The following CDC42BPB variants were observed in gnomAD, a reference collection of about 807,000 sequenced individuals.
CDC42BPB encodes the protein CDC42 binding protein kinase beta.
A neutral mutation model predicts 214.9 loss-of-function variants in CDC42BPB; 37 were observed. The ratio of observed to expected loss-of-function variants is 0.17; its 90% CI spans 0.13 to 0.23. The LOEUF is 0.23. CDC42BPB is among the 10% of genes least tolerant of loss of function. CDC42BPB has a pLI of 1.00. For missense variants in CDC42BPB, 1,694 were observed against 2,227.0 expected, an observed-to-expected ratio of 0.76 and a Z score of 4.82; for synonymous variants, 931 against 884.0, an observed-to-expected ratio of 1.05 and a Z score of -0.94.
intron 1 of CDC42BPB, among the ~76,000 whole-genome samples, chr14:103,029,081 AT>A (rs1449615661): frequency 6.6e-6 from 1 of 152,234 alleles, no homozygotes; most frequent in African/African-American, 2.4e-5. Flanking sequence ...GAAAAAAAGG[AT>A]AAAAGTAAAC....
Position 102,968,451 on chromosome 14 carries a change from G to A in CDC42BPB, c.2240+21C>T, listed in dbSNP as rs748168639. The A allele has an allele frequency of 6.2e-6, 10 of 1,613,706 alleles. 1 individual carries two copies. In the South Asian group the frequency reaches 1.1e-4, roughly 18 times the overall value. On this transcript the variant is annotated intron_variant, in intron 15 of 36. Coordinates refer to ENST00000361246, the MANE Select transcript of CDC42BPB (RefSeq NM_006035.4). ...GGTATCAGCTTGCATCTTCTGAACT[G>A]AGAAGCTCATGAAAACCTACCGTTC...
At chr14:102,986,304 C>T (rs1185049069) in intron 6 of CDC42BPB, 183 bp downstream of exon 6, 6 of 547,114 alleles carry the variant, frequency 1.1e-5, no homozygotes, top group Middle Eastern at 4.0e-4. Flanking sequence ...AAGATGCTTT[C>T]CAACTTAATT....
intron 1 of CDC42BPB, among the ~76,000 whole-genome samples, chr14:103,053,741 G>C (rs1043932987): frequency 1.3e-4 from 18 of 142,448 alleles, no homozygotes; most frequent in Admixed American, 2.1e-4. Context: ...CAGCCTGGGC[G>C]ACAGAGTGAG....
rs988289031 is a variant in CDC42BPB at position 102,943,322 on chromosome 14, T to C, written c.4408+569A>G. Among the ~76,000 whole-genome samples, 1 of 152,186 alleles carries C rather than the reference T, an allele frequency of 6.6e-6. No individual in the cohort carries two copies. The highest frequency in any genetic ancestry group is 2.4e-5 in the African/African-American group (1 of 41,438). ...CGGACAGCGGGCCAGTCGGGAAGTGTCCACTGGTCCTACCTGTTCCCCAGT... is the reference window on the plus strand; with the variant it reads ...CGGACAGCGGGCCAGTCGGGAAGTGCCCACTGGTCCTACCTGTTCCCCAGT... On this transcript the variant is annotated intron_variant, in intron 30 of 36. Transcript: ENST00000361246. The surrounding 1 kb of genome is among the most constrained non-coding windows in gnomAD (Gnocchi z 4.6).
At chr14:102,973,583 G>A (rs1288724240) in intron 12 of CDC42BPB, among the ~76,000 whole-genome samples, 4 of 152,034 alleles carry the variant, frequency 2.6e-5, no homozygotes, top group African/African-American at 2.4e-5. Flanking sequence ...GGCTCGGGAC[G>A]CAGCGTGTGT....
chr14:102,933,447 G>A lies in CDC42BPB; in HGVS notation c.*265C>T, dbSNP rs1245067584. 5.8e-6 allele frequency: 2 copies of A among 347,640 alleles called. No homozygotes were observed. Among genetic ancestry groups the A allele is most frequent in the Non-Finnish European group, 1.0e-5 (2 of 194,020 alleles). 21.5% of individuals were successfully genotyped at this position (347,640 alleles called of 1,614,324 possible). A position where few individuals can be genotyped will look rare whatever the true frequency, so the allele number is the denominator to read the frequency against. ...CATATGCCCTCTCGGGTTGTCAGGG[G>A]TGGGAGACAGGCTGTATGGGGGTCC... On this transcript the variant is annotated 3_prime_UTR_variant, in exon 37 of 37. Coordinates refer to ENST00000361246, the MANE Select transcript of CDC42BPB (RefSeq NM_006035.4).
chr14:103,017,366 T>C (rs1227669938), intron 1 of CDC42BPB, among the ~76,000 whole-genome samples: 5 of 152,074 alleles, frequency 3.3e-5, no homozygotes, highest in Admixed American at 3.3e-4. Context: ...CACACTGATA[T>C]TAACATATAA....
intron 5 of CDC42BPB, among the ~76,000 whole-genome samples, chr14:102,996,976 G>A (rs371541401): frequency 5.3e-5 from 8 of 152,256 alleles, no homozygotes; most frequent in East Asian, 1.9e-4. Flanking sequence ...TGGGAGGTGC[G>A]AGCCATCAGC....
chr14:103,048,362 G>A (rs1190817412), intron 1 of CDC42BPB, among the ~76,000 whole-genome samples: 2 of 151,720 alleles, frequency 1.3e-5, no homozygotes, highest in South Asian at 2.1e-4. Context: ...TGGCCAACAT[G>A]GTGAAACCCC....
intron 16 of CDC42BPB, 137 bp from the exon 17 acceptor site, chr14:102,967,307 G>T (rs1052386926): frequency 1.8e-5 from 25 of 1,414,452 alleles, no homozygotes; most frequent in Non-Finnish European, 1.5e-5. Flanking sequence ...CTAAGTTCAT[G>T]ATATGGATTT....
rs367693621 is a variant in CDC42BPB, at chr14:102,944,036, T to C, written c.4263A>G (p.Gln1421=). The C allele has an allele frequency of 3.7e-6, 6 of 1,613,466 alleles. No homozygotes were observed. Among genetic ancestry groups the C allele is most frequent in the South Asian group, 1.1e-5 (1 of 91,070 alleles). ...CAGCACAAAGGGCATCAAAAGACTG[T>C]TGTGAGAGGAACGCAAGCGAGGGGT... ...PNDPSLAFLS[Q]QSFDALCAVE... is the part of the protein sequence containing the mutation. The change falls in exon 30 of 37, where the codon CAA becomes CAG. Residue 1421 remains glutamine (Q), a synonymous_variant. Transcript: ENST00000361246. The surrounding 1 kb of genome is among the most constrained non-coding windows in gnomAD (Gnocchi z 6.6).
intron 14 of CDC42BPB, 196 bp from the exon 15 acceptor site, chr14:102,968,912 A>AG: frequency 1.0e-6 from 1 of 985,370 alleles, no homozygotes; most frequent in Non-Finnish European, 1.2e-6. Context: ...ACGGCCTTGC[A>AG]GGGGGATGTG....
Position 102,940,095 on chromosome 14 carries a change from G to A in CDC42BPB, c.4542C>T (p.Leu1514=), listed in dbSNP as rs1231077863. The part of the protein sequence containing the change: ...RPLNSEGTLN[L]LNCEPPRLIY... ...TCAAGCGTGGAGGCTCGCAGTTGAG[G>A]AGGTTGAGGGTGCCTTCAGAGTTCA... Residue 1514 remains leucine, a synonymous_variant, in exon 32 of 37, where the codon CTC becomes CTT. Coordinates refer to ENST00000361246, the MANE Select transcript of CDC42BPB (RefSeq NM_006035.4). 3 of 1,614,032 alleles carry A rather than the reference G, an allele frequency of 1.9e-6. No homozygotes were observed. The highest frequency in any genetic ancestry group is 1.7e-5 in the Admixed American group (1 of 60,026).
At chr14:103,031,788 C>G (rs1173965886) in intron 1 of CDC42BPB, among the ~76,000 whole-genome samples, 1 of 152,066 alleles carries the variant, frequency 6.6e-6, no homozygotes, top group East Asian at 1.9e-4. Context: ...ATTCCGGAAA[C>G]CAACTAAAAA....
In CDC42BPB at chr14:102,933,403, A is replaced by C. The variant is rs1891485032; in HGVS notation, c.*309T>G. On this transcript the variant is annotated 3_prime_UTR_variant, in exon 37 of 37. Transcript: ENST00000361246. ...CGTCATGACGGGTTTCTGCTGAGGA[A>C]GTGGTGTTGGCAGGGCCCCATATGC... is the stretch of plus-strand genomic sequence containing the variant. 3 of 267,550 alleles carry C rather than the reference A, an allele frequency of 1.1e-5. No individual in the cohort carries two copies. Among genetic ancestry groups the C allele is most frequent in the East Asian group, 6.5e-5 (1 of 15,436 alleles). The allele number at this position is 267,550 out of a possible 1,614,324, so 16.6% of individuals were successfully genotyped here. A position where few individuals can be genotyped will look rare whatever the true frequency, so the allele number is the denominator to read the frequency against.
At chr14:103,024,334 C>T (rs997862114) in intron 1 of CDC42BPB, among the ~76,000 whole-genome samples, 4 of 152,200 alleles carry the variant, frequency 2.6e-5, no homozygotes, top group African/African-American at 9.7e-5. Flanking sequence ...GAGACTGAGA[C>T]TTGCTAATAC....
At chr14:102,998,821 G>A (rs1014843428) in intron 5 of CDC42BPB, among the ~76,000 whole-genome samples, 2 of 152,182 alleles carry the variant, frequency 1.3e-5, no homozygotes, top group African/African-American at 4.8e-5. Flanking sequence ...TGGGGACAGA[G>A]GGCCCCAGGC....
At chr14:102,965,565 T>A (rs1329744011) in intron 18 of CDC42BPB, among the ~76,000 whole-genome samples, 2 of 152,160 alleles carry the variant, frequency 1.3e-5, no homozygotes, top group African/African-American at 4.8e-5. Context: ...AGAGATGCCA[T>A]CTTGCTGTTT....
intron 8 of CDC42BPB, among the ~76,000 whole-genome samples, chr14:102,980,010 C>T (rs964211086): frequency 1.3e-5 from 2 of 152,168 alleles, no homozygotes; most frequent in African/African-American, 4.8e-5. Context: ...ACACAAAGCG[C>T]TGTAATGTTA....
Sources: allele counts gnomAD v4.1 joint callset (sites outside exome capture counted in the v4.1 genomes callset), GRCh38; gene constraint gnomAD v4.1.1; non-coding constraint Gnocchi (gnomAD v3.1); transcripts MANE v1.5; gene names NCBI Gene and HGNC (gene_info 2026-07-23, HGNC 2026-07-21).